Variants in CACNB4 observed in about 807,000 individuals in gnomAD.
CACNB4 encodes the protein calcium voltage-gated channel auxiliary subunit beta 4, also known as voltage-dependent L-type calcium channel subunit beta-4.
CACNB4 carries 32 observed loss-of-function variants against 71.2 expected under a neutral mutation model. The ratio of observed to expected loss-of-function variants is 0.45; its 90% CI spans 0.34 to 0.60. The LOEUF (loss-of-function observed/expected upper bound fraction) is 0.60, where lower values mean the gene tolerates loss of function less well. Among genes scored for constraint, CACNB4 ranks in the 20% least tolerant of loss-of-function variants. The pLI, the probability that CACNB4 is intolerant of heterozygous loss-of-function variation, is 0.01. For synonymous variants in CACNB4, 231 were observed against 236.9 expected, an observed-to-expected ratio of 0.97 and a Z score of 0.23; for missense variants, 464 against 647.9, an observed-to-expected ratio of 0.72 and a Z score of 3.08.
intron 2 of CACNB4, among the ~76,000 whole-genome samples, chr2:152,085,470 G>A (rs1358510287): frequency 6.6e-6 from 1 of 152,092 alleles, no homozygotes; most frequent in Non-Finnish European, 1.5e-5. Context: ...GACAGTGGAG[G>A]AAAAAGAAAA....
chr2:151,901,861 T>C (rs2151507039), intron 2 of CACNB4, among the ~76,000 whole-genome samples: 1 of 152,326 alleles, frequency 6.6e-6, no homozygotes, highest in South Asian at 2.1e-4. Context: ...TACTGCAAAT[T>C]CTATTACTTC....
At chr2:151,909,168 G>A (rs1056494194) in intron 2 of CACNB4, among the ~76,000 whole-genome samples, 4 of 149,492 alleles carry the variant, frequency 2.7e-5, no homozygotes, top group South Asian at 2.1e-4. Flanking sequence ...AGTGGCTCAC[G>A]CCTGTATTCC....
intron 2 of CACNB4, among the ~76,000 whole-genome samples, chr2:152,062,476 G>C (rs1305904205): frequency 6.6e-6 from 1 of 152,138 alleles, no homozygotes; most frequent in Non-Finnish European, 1.5e-5. Flanking sequence ...CCAGAACAAA[G>C]AAATTTCCAG....
chr2:151,864,512 T>G (rs985151100), intron 9 of CACNB4, among the ~76,000 whole-genome samples: 15 of 152,254 alleles, frequency 9.9e-5, no homozygotes, highest in Non-Finnish European at 2.9e-5. Context: ...CTATCCTTGC[T>G]ACATCCAATA....
chr2:152,056,481 A>C (rs374026154), intron 2 of CACNB4, among the ~76,000 whole-genome samples: 1 of 152,252 alleles, frequency 6.6e-6, no homozygotes, highest in South Asian at 2.1e-4. Context: ...AACTTTCTCC[A>C]GGTTTACTAA....
intron 12 of CACNB4, among the ~76,000 whole-genome samples, chr2:151,844,868 A>G (rs552978700): frequency 1.3e-5 from 2 of 152,334 alleles, no homozygotes; most frequent in East Asian, 3.9e-4. Flanking sequence ...CATTTTATTT[A>G]TGTGAACCAT....
chr2:152,056,382 A>G (rs1560167376), intron 2 of CACNB4, among the ~76,000 whole-genome samples: 3 of 151,774 alleles, frequency 2.0e-5, no homozygotes, highest in Non-Finnish European at 2.9e-5. Flanking sequence ...AAAAGAAATT[A>G]GAAATTTTCA....
At chr2:152,064,099 A>C (rs748995853) in intron 2 of CACNB4, among the ~76,000 whole-genome samples, 1 of 152,210 alleles carries the variant, frequency 6.6e-6, no homozygotes, top group Non-Finnish European at 1.5e-5. Flanking sequence ...ACAGTCTTCA[A>C]TATATAACTA....
At chr2:151,941,040 G>C (rs1382833717) in intron 2 of CACNB4, among the ~76,000 whole-genome samples, 1 of 152,062 alleles carries the variant, frequency 6.6e-6, no homozygotes, top group Non-Finnish European at 1.5e-5. Flanking sequence ...TCAGAATAAG[G>C]CTTCCTAGAG....
At chr2:152,037,344 C>G (rs1477165357) in intron 2 of CACNB4, among the ~76,000 whole-genome samples, 1 of 152,184 alleles carries the variant, frequency 6.6e-6, no homozygotes, top group Non-Finnish European at 1.5e-5. Flanking sequence ...CAATCTATAT[C>G]CCGTCAATTT....
At chr2:151,882,386 A>G (rs1005163128) in intron 3 of CACNB4, among the ~76,000 whole-genome samples, 1 of 152,028 alleles carries the variant, frequency 6.6e-6, no homozygotes, top group African/African-American at 2.4e-5. Context: ...ATAAAAATAG[A>G]AAAGGGAAGG....
chr2:151,933,680 T>C (rs931908825), intron 2 of CACNB4, among the ~76,000 whole-genome samples: 1 of 152,194 alleles, frequency 6.6e-6, no homozygotes, highest in African/African-American at 2.4e-5. Flanking sequence ...GGTGCCATGG[T>C]CAGTAAAGCA....
In CACNB4 at chr2:151,853,594, A is replaced by G; in HGVS notation, c.1021-51T>C. 3.9e-6 allele frequency: 4 copies of G among 1,015,630 alleles called. No individual in the cohort carries two copies. The South Asian group carries it at 6.0e-5, about 15-fold the overall frequency. 62.9% of individuals were successfully genotyped at this position (1,015,630 alleles called of 1,614,324 possible). On this transcript the variant is annotated intron_variant, in intron 11 of 13. Transcript: ENST00000539935. ...GGTATTGTAGATGAGTTGAAAGAAA[A>G]TCAAATAAGCCAGGATCTTTTTAAT...
chr2:151,878,624 C>T (rs999746017), intron 4 of CACNB4, among the ~76,000 whole-genome samples: 16 of 10,068 alleles, frequency 1.6e-3, no homozygotes, highest in Non-Finnish European at 5.3e-3. Flanking sequence ...TAGTGTACTA[C>T]ACAATACTAC....
intron 2 of CACNB4, among the ~76,000 whole-genome samples, chr2:151,984,919 A>G (rs1480367189): frequency 6.6e-6 from 1 of 152,112 alleles, no homozygotes; most frequent in East Asian, 1.9e-4. Flanking sequence ...CTTATGCTGG[A>G]AAACAACTTA....
intron 2 of CACNB4, among the ~76,000 whole-genome samples, chr2:152,057,560 C>A (rs1368327153): frequency 2.0e-5 from 3 of 152,142 alleles, no homozygotes; most frequent in African/African-American, 7.2e-5. Flanking sequence ...AAACTGAATA[C>A]CGGACATTTA....
intron 10 of CACNB4, chr2:151,857,022 C>G (rs193115791): frequency 6.6e-6 from 1 of 152,194 alleles, no homozygotes; most frequent in East Asian, 1.9e-4. Flanking sequence ...CTTAAACGAC[C>G]CTAAAGATGG....
chr2:151,846,483 A>T (rs1442180137), intron 12 of CACNB4, among the ~76,000 whole-genome samples: 2 of 152,174 alleles, frequency 1.3e-5, no homozygotes, highest in Non-Finnish European at 2.9e-5. Flanking sequence ...ATTTTTAATA[A>T]AAAGTTTATA....
rs1263495769 is a variant in CACNB4, at chr2:152,080,203, C to T, written c.147+18127G>A. On this transcript the variant is annotated intron_variant, in intron 2 of 13. Transcript: ENST00000539935. ...GTGGCATAATCTTGGTTCACTACAA[C>T]CTCTGCCTCCTGGGTTCAAGCGATT... is the stretch of plus-strand genomic sequence containing the variant. 3.3e-5 allele frequency among the ~76,000 whole-genome samples: 5 copies of T among 151,898 alleles called. No individual in the cohort carries two copies. The East Asian group carries it at 9.7e-4, about 29-fold the overall frequency.
Sources: allele counts gnomAD v4.1 joint callset (sites outside exome capture counted in the v4.1 genomes callset), GRCh38; gene constraint gnomAD v4.1.1; transcripts MANE v1.5; gene names NCBI Gene and HGNC (gene_info 2026-07-23, HGNC 2026-07-21).